The following PPP1R12A variants were observed in gnomAD, a reference collection of about 807,000 sequenced individuals.
The protein encoded by PPP1R12A is protein phosphatase 1 regulatory subunit 12A, also known as myosin binding subunit.
In PPP1R12A, 19 loss-of-function variants were observed where a neutral mutation model predicts 139.6. The ratio of observed to expected loss-of-function variants is 0.14; its 90% CI spans 0.09 to 0.20. PPP1R12A has a LOEUF of 0.20. PPP1R12A is among the 10% of genes least tolerant of loss of function. The probability of loss-of-function intolerance (pLI) is 1.00; values close to 1 mark genes in which losing one functional copy is unlikely to be tolerated. For missense variants in PPP1R12A, 925 were observed against 1,211.5 expected, an observed-to-expected ratio of 0.76 and a Z score of 3.51; for synonymous variants, 427 against 420.6, an observed-to-expected ratio of 1.02 and a Z score of -0.19.
At chr12:79,840,549 C>T (rs1325506724) in intron 3 of PPP1R12A, among the ~76,000 whole-genome samples, 1 of 152,184 alleles carries the variant, frequency 6.6e-6, no homozygotes, top group Non-Finnish European at 1.5e-5. Context: ...TTATCTCACA[C>T]TTTCCTACAT....
chr12:79,869,546 C>A (rs1055522210), intron 2 of PPP1R12A, among the ~76,000 whole-genome samples: 7 of 152,156 alleles, frequency 4.6e-5, no homozygotes, highest in Non-Finnish European at 7.4e-5. Flanking sequence ...CAAACTGCAT[C>A]TTGAGAGTCT....
At chr12:79,857,556 G>C (rs911240533) in intron 2 of PPP1R12A, among the ~76,000 whole-genome samples, 1 of 151,256 alleles carries the variant, frequency 6.6e-6, no homozygotes, top group Non-Finnish European at 1.5e-5. Context: ...ATGTACCCTA[G>C]AACTTAAAGT....
chr12:79,788,703 T>C lies in PPP1R12A; in HGVS notation c.2747A>G (p.Glu916Gly). The C allele has an allele frequency of 6.2e-7, 1 of 1,613,430 alleles. No homozygotes were observed. The highest frequency in any genetic ancestry group is 8.5e-7 in the Non-Finnish European group (1 of 1,179,596). Residue 916 changes from glutamate (E) to glycine (G), a missense_variant, in exon 21 of 25, where the codon GAA becomes GGA. By Grantham distance (98) the Glu-to-Gly change is moderately conservative. Coordinates refer to ENST00000450142, the MANE Select transcript of PPP1R12A (RefSeq NM_002480.3). ...TAGCCTGCTGCTGTAAGGTTTTCTT[T>C]CTTCTAAGTAACTGTATGATCCAGA... ...GRSGSYSYLE[E>G]RKPYSSRLEK...
chr12:79,821,198 A>G lies in PPP1R12A; in HGVS notation c.868-32T>C. 3 of 1,472,204 alleles carry G rather than the reference A, an allele frequency of 2.0e-6. No individual in the cohort carries two copies. In the South Asian group the frequency reaches 3.5e-5, roughly 17 times the overall value. 91.2% of individuals were successfully genotyped at this position (1,472,204 alleles called of 1,614,324 possible). On this transcript the variant is annotated intron_variant, in intron 6 of 24. Transcript: ENST00000450142. Reference sequence around the variant, plus strand: ...ACAAAGTTATGCAAAGGAAAATAAGAAAACTATTAAGATACTATTACTAAG... The same window carrying G: ...ACAAAGTTATGCAAAGGAAAATAAGGAAACTATTAAGATACTATTACTAAG...
chr12:79,807,273 A>T lies in PPP1R12A; in HGVS notation c.1608T>A (p.Asp536Glu). 1 of 1,555,760 alleles carries T rather than the reference A, an allele frequency of 6.4e-7. No homozygotes were observed. Among genetic ancestry groups the T allele is most frequent in the Non-Finnish European group, 8.7e-7 (1 of 1,148,608 alleles). ...SSYTRRKWED[D>E]LKKNSSVNEG... The stretch of plus-strand genomic sequence containing the variant: ...CATTAACTGAGCTATTTTTTTTAAG[A>T]TCATCTTCCCATTTTCTCCTTGTAT... Residue 536 changes from aspartate to glutamate, a missense_variant, in exon 12 of 25, where the codon GAT becomes GAA. Asp to Glu is a conservative substitution (Grantham distance 45, BLOSUM62 2). Transcript: ENST00000450142.
rs550834060 is a variant in PPP1R12A, at chr12:79,874,128, T to C, written c.238-1190A>G. Among the ~76,000 whole-genome samples, 4 of 151,962 alleles carry C rather than the reference T, an allele frequency of 2.6e-5. No individual in the cohort carries two copies. In the East Asian group the frequency reaches 7.8e-4, roughly 30 times the overall value. The stretch of plus-strand genomic sequence containing the variant: ...CCTTCTCTATTAAAAGTACAAAAAT[T>C]AGCCAGGCATGGTGGAGCACGCCTA... On this transcript the variant is annotated intron_variant, in intron 1 of 24. Transcript: ENST00000450142.
intron 1 of PPP1R12A, among the ~76,000 whole-genome samples, chr12:79,907,040 C>T (rs1886186521): frequency 6.6e-6 from 1 of 151,998 alleles, no homozygotes; most frequent in Non-Finnish European, 1.5e-5. Flanking sequence ...TTTTAATGTA[C>T]TTCATTAATA....
At chr12:79,815,656 G>T (rs1875274342) in intron 9 of PPP1R12A, among the ~76,000 whole-genome samples, 1 of 152,100 alleles carries the variant, frequency 6.6e-6, no homozygotes, top group Non-Finnish European at 1.5e-5. Context: ...AGTACATGGG[G>T]GTCTTAGAAG....
At chr12:79,841,431 G>C (rs1446866323) in intron 3 of PPP1R12A, among the ~76,000 whole-genome samples, 1 of 152,072 alleles carries the variant, frequency 6.6e-6, no homozygotes, top group African/African-American at 2.4e-5. Context: ...TGACACTTCT[G>C]CTAGACTGTG....
chr12:79,910,846 G>C (rs1886507994), intron 1 of PPP1R12A, among the ~76,000 whole-genome samples: 1 of 152,160 alleles, frequency 6.6e-6, no homozygotes, highest in African/African-American at 2.4e-5. Context: ...TTTGAAAAGG[G>C]AAAGTGGAAA....
At chr12:79,776,346 A>G (rs1869720379) in intron 24 of PPP1R12A, among the ~76,000 whole-genome samples, 1 of 152,130 alleles carries the variant, frequency 6.6e-6, no homozygotes, top group Non-Finnish European at 1.5e-5. Flanking sequence ...AGGCTCTTAA[A>G]AGAGGTTCCT....
chr12:79,805,641 T>C lies in PPP1R12A; in HGVS notation c.1951A>G (p.Thr651Ala), dbSNP rs1565749008. ...AAASTTTLTTTTAGTVSSTTE... is the reference protein window; with the variant it reads ...AAASTTTLTTATAGTVSSTTE... Reference sequence around the variant, plus strand: ...GTGGAGGAGACAGTGCCAGCAGTAGTTGTAGTCAGGGTTGTGGTAGAAGCT... The same window carrying C: ...GTGGAGGAGACAGTGCCAGCAGTAGCTGTAGTCAGGGTTGTGGTAGAAGCT... Residue 651 changes from threonine (T) to alanine (A), a missense_variant, in exon 14 of 25, where the codon ACT (threonine) becomes GCT (alanine). Thr to Ala is a moderately conservative substitution (Grantham distance 58). Coordinates refer to ENST00000450142, the MANE Select transcript of PPP1R12A (RefSeq NM_002480.3). 1.9e-6 allele frequency: 3 copies of C among 1,613,824 alleles called. No homozygotes were observed. Among genetic ancestry groups the C allele is most frequent in the East Asian group, 2.2e-5 (1 of 44,846 alleles).
At chr12:79,868,559 C>T (rs1368797993) in intron 2 of PPP1R12A, among the ~76,000 whole-genome samples, 1 of 152,132 alleles carries the variant, frequency 6.6e-6, no homozygotes, top group Non-Finnish European at 1.5e-5. Flanking sequence ...AGGCCTCTCT[C>T]CTTGGTTGGT....
chr12:79,801,312 T>G (rs1394563045), intron 14 of PPP1R12A, among the ~76,000 whole-genome samples: 1 of 114,580 alleles, frequency 8.7e-6, no homozygotes, highest in Non-Finnish European at 1.7e-5. Flanking sequence ...GCCATTGCAC[T>G]CCAGCCTGGG....
intron 1 of PPP1R12A, among the ~76,000 whole-genome samples, chr12:79,906,930 G>A (rs1282272656): frequency 1.3e-5 from 2 of 152,170 alleles, no homozygotes; most frequent in Admixed American, 1.3e-4. Flanking sequence ...ACAGTGCTAG[G>A]ATTACAGGTG....
rs1434993043 is a variant in PPP1R12A at position 79,836,394 on chromosome 12, C to T, written c.488-3903G>A. ...TCCCTCCTTTCATTACAATCTTAAA[C>T]GTTCTGATTTTTATTGTCTTTTACT... On this transcript the variant is annotated intron_variant, in intron 3 of 24. Coordinates refer to ENST00000450142, the MANE Select transcript of PPP1R12A (RefSeq NM_002480.3). 2.6e-5 allele frequency among the ~76,000 whole-genome samples: 4 copies of T among 151,918 alleles called. No individual in the cohort carries two copies. The East Asian group carries it at 5.8e-4, about 22-fold the overall frequency.
intron 3 of PPP1R12A, among the ~76,000 whole-genome samples, chr12:79,833,213 C>T (rs977077026): frequency 6.6e-6 from 1 of 151,674 alleles, no homozygotes; most frequent in African/African-American, 2.4e-5. Context: ...AAGGCTGCAG[C>T]GAGCAATGAT....
intron 1 of PPP1R12A, among the ~76,000 whole-genome samples, chr12:79,901,417 A>C (rs1041868080): frequency 2.0e-5 from 3 of 152,124 alleles, no homozygotes; most frequent in Admixed American, 2.0e-4. Context: ...AAAAATGTAC[A>C]TACAACTTTT....
At chr12:79,865,862 A>G (rs1592736701) in intron 2 of PPP1R12A, among the ~76,000 whole-genome samples, 1 of 152,334 alleles carries the variant, frequency 6.6e-6, no homozygotes, top group African/African-American at 2.4e-5. Context: ...ATGGACAGAA[A>G]GAATCAATAT....
Sources: allele counts gnomAD v4.1 joint callset (sites outside exome capture counted in the v4.1 genomes callset), GRCh38; gene constraint gnomAD v4.1.1; transcripts MANE v1.5; gene names NCBI Gene and HGNC (gene_info 2026-07-23, HGNC 2026-07-21).